The following SPAST variants were observed in gnomAD, a reference collection of about 807,000 sequenced individuals.
SPAST encodes spastin, also known as spastic paraplegia 4 (autosomal dominant; spastin).
In SPAST, 30 loss-of-function variants were observed where a neutral mutation model predicts 76.6. That is an observed-to-expected ratio of 0.39 (90% CI 0.29 to 0.53). The LOEUF (loss-of-function observed/expected upper bound fraction) is 0.53, where lower values mean the gene tolerates loss of function less well. SPAST is among the 20% of genes least tolerant of loss of function. The pLI, the probability that SPAST is intolerant of heterozygous loss-of-function variation, is 0.68. For synonymous variants in SPAST, 305 were observed against 281.0 expected (o/e 1.09, Z -0.86); for missense variants, 717 against 770.5 (o/e 0.93, Z 0.82).
chr2:32,124,294 A>G (rs551656748), intron 7 of SPAST, among the ~76,000 whole-genome samples: 106 of 152,308 alleles, frequency 7.0e-4, no homozygotes, highest in African/African-American at 2.5e-3. Flanking sequence ...TCGTTAGGGA[A>G]ATTGCGCATT....
At chr2:32,144,786 G>T (rs1042812855) in intron 14 of SPAST, 151 bp from the exon 15 acceptor site, 6 of 655,722 alleles carry the variant, frequency 9.2e-6, no homozygotes, top group African/African-American at 5.4e-5. Context: ...CTACCTGAGA[G>T]GCTGAGGTAG....
intron 2 of SPAST, 116 bp downstream of exon 2, chr2:32,087,694 C>CTTTTTTTTTTTTTTTTTTTTTTTTT (rs770566493): frequency 5.9e-5 from 11 of 186,252 alleles, no homozygotes; most frequent in African/African-American, 9.9e-5. Context: ...CTTTTCTTTT[C>CTTTTTTTTTTTTTTTTTTTTTTTTT]TTTTTTTTTT....
chr2:32,145,654 T>C (rs951608739), intron 15 of SPAST, among the ~76,000 whole-genome samples: 2 of 129,334 alleles, frequency 1.5e-5, no homozygotes, highest in East Asian at 3.3e-4. Flanking sequence ...CTTTTTTAAT[T>C]ATATCTTTTG....
In SPAST at chr2:32,064,203, C is replaced by T. The variant is rs754912349; in HGVS notation, c.372C>T (p.Phe124=). 9 of 1,550,382 alleles carry T rather than the reference C, an allele frequency of 5.8e-6. No homozygotes were observed. In the African/African-American group the frequency reaches 1.2e-4, roughly 21 times the overall value. ...ERVRVFHKQA[F]EYISIALRID... is the part of the protein sequence containing the mutation. ...TCCGAGTCTTCCACAAACAGGCCTT[C>T]GAGTACATCTCCATTGCCCTGCGCA... Residue 124 remains phenylalanine (F), a synonymous_variant, in exon 1 of 17, where the codon TTC becomes TTT. Coordinates refer to ENST00000315285, the MANE Select transcript of SPAST (RefSeq NM_014946.4).
At chr2:32,141,094 A>G (rs528729307) in intron 12 of SPAST, among the ~76,000 whole-genome samples, 5 of 152,232 alleles carry the variant, frequency 3.3e-5, no homozygotes, top group African/African-American at 1.2e-4. Context: ...GTCCATGTAT[A>G]CACTAAACTA....
At chr2:32,111,279 A>G (rs1418446676) in intron 4 of SPAST, among the ~76,000 whole-genome samples, 1 of 102,450 alleles carries the variant, frequency 9.8e-6, no homozygotes, top group Non-Finnish European at 2.1e-5. Flanking sequence ...TATACAGTAT[A>G]CTATATAGTG....
chr2:32,128,628 A>C, intron 9 of SPAST, 149 bp downstream of exon 9: 1 of 663,504 alleles, frequency 1.5e-6, no homozygotes, highest in Admixed American at 2.3e-5. Flanking sequence ...ATCTATCTTC[A>C]GAGTAGAAAG....
chr2:32,147,808 C>G (rs1573175679), intron 16 of SPAST, among the ~76,000 whole-genome samples: 1 of 150,462 alleles, frequency 6.6e-6, no homozygotes, highest in Non-Finnish European at 1.5e-5. Flanking sequence ...ATTTTTTGTA[C>G]TTTTAGTAGA....
chr2:32,122,511 G>A (rs192035428), intron 7 of SPAST, among the ~76,000 whole-genome samples: 2 of 152,090 alleles, frequency 1.3e-5, no homozygotes, highest in Non-Finnish European at 1.5e-5. Context: ...TAGTAGAGAC[G>A]GGGTTTTGCC....
chr2:32,109,788 A>G (rs1248309476), intron 4 of SPAST, among the ~76,000 whole-genome samples: 1 of 148,242 alleles, frequency 6.7e-6, no homozygotes, highest in Non-Finnish European at 1.5e-5. Flanking sequence ...ATGCACATAC[A>G]TATATAGTTA....
chr2:32,103,546 T>G (rs906407978), intron 4 of SPAST, among the ~76,000 whole-genome samples: 1 of 152,186 alleles, frequency 6.6e-6, no homozygotes, highest in Non-Finnish European at 1.5e-5. Flanking sequence ...CTAGTTCTTT[T>G]AATGGTGATG....
intron 13 of SPAST, among the ~76,000 whole-genome samples, 177 bp from the exon 14 acceptor site, chr2:32,143,159 T>C (rs976290061): frequency 1.3e-5 from 2 of 152,026 alleles, no homozygotes; most frequent in African/African-American, 2.4e-5. Flanking sequence ...TCCCAGTTAC[T>C]CGGGAGGCTG....
At chr2:32,146,547 T>TGACATA (rs1323415472) in intron 15 of SPAST, among the ~76,000 whole-genome samples, 1 of 150,948 alleles carries the variant, frequency 6.6e-6, no homozygotes, top group Non-Finnish European at 1.5e-5. Context: ...CCTGGGTGGG[T>TGACATA]GACATAGTGA....
chr2:32,080,984 G>C (rs1441635276), intron 1 of SPAST, among the ~76,000 whole-genome samples: 5 of 150,068 alleles, frequency 3.3e-5, no homozygotes, highest in Admixed American at 1.3e-4. Flanking sequence ...TCAAGACAGA[G>C]TTTCGCTCTT....
intron 7 of SPAST, among the ~76,000 whole-genome samples, chr2:32,125,437 G>T (rs1388051048): frequency 6.6e-6 from 1 of 151,870 alleles, no homozygotes; most frequent in Non-Finnish European, 1.5e-5. Context: ...TGGTCAGGCT[G>T]GTCTTGAACT....
At chr2:32,094,129 C>A (rs1049318104) in intron 3 of SPAST, among the ~76,000 whole-genome samples, 1 of 152,164 alleles carries the variant, frequency 6.6e-6, no homozygotes, top group Admixed American at 6.6e-5. Flanking sequence ...ACTATTAATA[C>A]ACGTTTGTAC....
chr2:32,143,974 TA>T (rs1202814364), intron 14 of SPAST, among the ~76,000 whole-genome samples: 1 of 152,228 alleles, frequency 6.6e-6, no homozygotes, highest in Admixed American at 6.5e-5. Context: ...TAATTTTAAT[TA>T]TTTGATAATT....
intron 4 of SPAST, among the ~76,000 whole-genome samples, chr2:32,105,758 G>A (rs1398663665): frequency 2.6e-5 from 4 of 152,150 alleles, no homozygotes; most frequent in African/African-American, 4.8e-5. Context: ...TATCACCAGC[G>A]GAGGCTGCAG....
intron 4 of SPAST, among the ~76,000 whole-genome samples, chr2:32,101,118 A>T (rs1473062086): frequency 6.6e-6 from 1 of 152,104 alleles, no homozygotes; most frequent in Non-Finnish European, 1.5e-5. Context: ...CCTCTCCAGC[A>T]CCTGTTGTTT....
Sources: gnomAD v4.1 joint callset for allele counts (sites outside exome capture counted in the v4.1 genomes callset) on GRCh38, gnomAD v4.1.1 for gene constraint, MANE v1.5 for transcripts, NCBI Gene and HGNC (gene_info 2026-07-23, HGNC 2026-07-21) for gene names.